Variants in DPF3 observed in about 807,000 individuals in gnomAD.
DPF3 encodes the protein zinc finger protein DPF3.
DPF3 carries 18 observed loss-of-function variants against 56.8 expected under a neutral mutation model. The observed-to-expected ratio is 0.32, with a 90% CI of 0.22 to 0.47. DPF3 has a LOEUF of 0.47. DPF3 is among the 20% of genes least tolerant of loss of function. DPF3 has a pLI of 1.00. For missense variants in DPF3, 403 were observed against 488.8 expected (o/e 0.82, Z 1.65); for synonymous variants, 188 against 180.2 (o/e 1.04, Z -0.35).
intron 8 of DPF3, among the ~76,000 whole-genome samples, chr14:72,668,035 A>G (rs1886511207): frequency 6.6e-6 from 1 of 152,214 alleles, no homozygotes; most frequent in Admixed American, 6.5e-5. Context: ...TCATGGGAGT[A>G]GTCATGAGGA....
intron 1 of DPF3, among the ~76,000 whole-genome samples, chr14:72,834,880 G>C (rs1393332385): frequency 6.6e-6 from 1 of 152,186 alleles, no homozygotes; most frequent in Non-Finnish European, 1.5e-5. Context: ...AAGGAAGGGA[G>C]TACTGAAACA....
At chr14:72,838,752 GTC>G (rs1884409692) in intron 1 of DPF3, among the ~76,000 whole-genome samples, 2 of 24,246 alleles carry the variant, frequency 8.2e-5, no homozygotes, top group Non-Finnish European at 1.6e-4. Context: ...ACGAGACTCC[GTC>G]TCAAAAAAAA....
intron 7 of DPF3, among the ~76,000 whole-genome samples, chr14:72,688,413 A>G (rs1233519679): frequency 2.0e-5 from 3 of 152,190 alleles, no homozygotes; most frequent in South Asian, 4.1e-4. Context: ...CAGGCCCAGG[A>G]CTTCATAAAT....
chr14:72,848,549 G>T (rs989879408), intron 1 of DPF3, among the ~76,000 whole-genome samples: 5 of 152,190 alleles, frequency 3.3e-5, no homozygotes, highest in African/African-American at 1.2e-4. Context: ...CCCACAGCTT[G>T]TCTTATTCTA....
intron 2 of DPF3, among the ~76,000 whole-genome samples, chr14:72,766,898 C>T (rs1027658483): frequency 2.0e-5 from 3 of 152,196 alleles, no homozygotes; most frequent in Non-Finnish European, 4.4e-5. Flanking sequence ...ACCAGCCTAG[C>T]AAGACAAGCA....
rs59321921 is a variant in DPF3, at chr14:72,612,993, CGTGTGT to C, written c.*6298_*6303del. Among the ~76,000 whole-genome samples the C allele has an allele frequency of 0.28, 41,987 of 148,822 alleles. 7,073 individuals carry two copies. Among genetic ancestry groups the C allele is most frequent in the East Asian group, 0.64 (3,138 of 4,936 alleles). On this transcript the variant is annotated 3_prime_UTR_variant, in exon 11 of 11. Transcript: ENST00000556509. ...TTTCCCTTTGGTTCATTAAGTAGGG[CGTGTGT>C]GTGTGTGTGTGTGTGTGTGTGTGTG...
At chr14:72,650,025 C>T (rs1885858435) in intron 8 of DPF3, among the ~76,000 whole-genome samples, 1 of 152,212 alleles carries the variant, frequency 6.6e-6, no homozygotes, top group Non-Finnish European at 1.5e-5. Flanking sequence ...CTCTGACCAT[C>T]CGGTGGCCTC....
At chr14:72,758,458 G>A (rs975838358) in intron 2 of DPF3, among the ~76,000 whole-genome samples, 1 of 152,174 alleles carries the variant, frequency 6.6e-6, no homozygotes, top group African/African-American at 2.4e-5. Flanking sequence ...AGACCACAGT[G>A]ACTAGAACCC....
intron 5 of DPF3, among the ~76,000 whole-genome samples, chr14:72,722,353 C>T (rs1168014523): frequency 6.6e-6 from 1 of 152,202 alleles, no homozygotes; most frequent in Non-Finnish European, 1.5e-5. Context: ...GCCCCACATG[C>T]GACAGGCTGG....
rs1884108263 is a variant in DPF3, at chr14:72,616,621, G to A, written c.*2676C>T. Among the ~76,000 whole-genome samples the A allele has an allele frequency of 6.6e-6, 1 of 152,124 alleles. No homozygotes were observed. Among genetic ancestry groups the A allele is most frequent in the African/African-American group, 2.4e-5 (1 of 41,434 alleles). On this transcript the variant is annotated 3_prime_UTR_variant, in exon 11 of 11. Coordinates refer to ENST00000556509, the MANE Select transcript of DPF3 (RefSeq NM_001280542.3). ...CCCAGTGTCACTCTGGAATAGGCAG[G>A]GCAAGTGTTACTATCTCCACTTTCC... is the stretch of plus-strand genomic sequence containing the variant.
rs140467472 is a variant in DPF3 at position 72,874,497 on chromosome 14, A to C, written c.32+19560T>G. On this transcript the variant is annotated intron_variant, in intron 1 of 10. Coordinates refer to ENST00000556509, the MANE Select transcript of DPF3 (RefSeq NM_001280542.3). Reference sequence around the variant, plus strand: ...CCGTCTCCAAAAAAAAAAAAGAAAAAGAAAGAAATTTATTCCACCAGATAA... The same window carrying C: ...CCGTCTCCAAAAAAAAAAAAGAAAACGAAAGAAATTTATTCCACCAGATAA... Among the ~76,000 whole-genome samples the C allele has an allele frequency of 7.0e-3, 1,064 of 152,154 alleles. 15 individuals carry two copies. The highest frequency in any genetic ancestry group is 0.024 in the African/African-American group (996 of 41,538).
chr14:72,743,098 C>T (rs1431952674), intron 3 of DPF3, among the ~76,000 whole-genome samples: 2 of 152,172 alleles, frequency 1.3e-5, no homozygotes, highest in Non-Finnish European at 2.9e-5. Context: ...CATCCCCAGT[C>T]ATTGAAGGAC....
intron 4 of DPF3, among the ~76,000 whole-genome samples, chr14:72,731,173 A>AAAAAAG (rs533662744): frequency 3.3e-5 from 5 of 151,822 alleles, no homozygotes; most frequent in African/African-American, 9.7e-5. Context: ...CTCTGTCTCA[A>AAAAAAG]AAAAAGAAAA....
chr14:72,669,783 A>T (rs527849046), intron 8 of DPF3, among the ~76,000 whole-genome samples: 70 of 152,344 alleles, frequency 4.6e-4, no homozygotes, highest in Admixed American at 8.5e-4. Context: ...CACACAGGCC[A>T]CAGAGGGCCA....
intron 2 of DPF3, among the ~76,000 whole-genome samples, chr14:72,755,361 G>C (rs1254621071): frequency 6.6e-6 from 1 of 152,124 alleles, no homozygotes; most frequent in African/African-American, 2.4e-5. Context: ...CCATTCTTCT[G>C]GGAGAATTCA....
At chr14:72,884,962 A>ATG in intron 1 of DPF3, among the ~76,000 whole-genome samples, 1 of 105,786 alleles carries the variant, frequency 9.5e-6, no homozygotes, top group Admixed American at 1.1e-4. Context: ...ATATATATAT[A>ATG]TATATATATT....
rs1054078107 is a variant in DPF3 at position 72,611,111 on chromosome 14, G to T, written c.*8186C>A. On this transcript the variant is annotated 3_prime_UTR_variant, in exon 11 of 11. Transcript: ENST00000556509. ...AGGGCCCCAGAGGAGCCTTCCCTTG[G>T]GCCACCCCCCACAGAGAAGCTATAG... 7.9e-5 allele frequency among the ~76,000 whole-genome samples: 12 copies of T among 152,186 alleles called. No homozygotes were observed. Among genetic ancestry groups the T allele is most frequent in the African/African-American group, 2.9e-4 (12 of 41,504 alleles).
intron 1 of DPF3, among the ~76,000 whole-genome samples, chr14:72,829,791 T>C (rs1883975425): frequency 6.6e-6 from 1 of 151,800 alleles, no homozygotes; most frequent in Non-Finnish European, 1.5e-5. Flanking sequence ...TCACCCAGGC[T>C]GGAGTGCAGT....
intron 5 of DPF3, among the ~76,000 whole-genome samples, chr14:72,714,745 C>T (rs1178381309): frequency 6.6e-6 from 1 of 152,144 alleles, no homozygotes; most frequent in Non-Finnish European, 1.5e-5. Context: ...CTACTAGGGT[C>T]CCCATTTTAC....
Sources: gnomAD v4.1 joint callset for allele counts (sites outside exome capture counted in the v4.1 genomes callset) on GRCh38, gnomAD v4.1.1 for gene constraint, MANE v1.5 for transcripts, NCBI Gene and HGNC (gene_info 2026-07-23, HGNC 2026-07-21) for gene names.